Variants in GALNTL6 observed in about 807,000 individuals in gnomAD.
The protein encoded by GALNTL6 is polypeptide N-acetylgalactosaminyltransferase like 6.
GALNTL6 carries 46 observed loss-of-function variants against 73.7 expected under a neutral mutation model. That is an observed-to-expected ratio of 0.62 (90% CI 0.49 to 0.80). GALNTL6 has a LOEUF of 0.80. Ranked by LOEUF, GALNTL6 falls within the 30% of genes least tolerant of loss-of-function variation. The pLI is 0.00. For synonymous variants in GALNTL6, 259 were observed against 263.7 expected (o/e 0.98, Z 0.17); for missense variants, 604 against 755.0 (o/e 0.80, Z 2.34).
intron 10 of GALNTL6, among the ~76,000 whole-genome samples, chr4:172,997,657 A>T (rs1436147109): frequency 6.6e-6 from 1 of 152,148 alleles, no homozygotes; most frequent in African/African-American, 2.4e-5. Flanking sequence ...GGCAGGGGGA[A>T]GGGTGAAGAG....
chr4:172,176,902 A>G (rs1735020225), intron 2 of GALNTL6, among the ~76,000 whole-genome samples: 2 of 152,098 alleles, frequency 1.3e-5, no homozygotes. Context: ...CAGCTTATTA[A>G]TTATATATTT....
chr4:172,057,723 A>G (rs1370806162), intron 2 of GALNTL6, among the ~76,000 whole-genome samples: 9 of 59,956 alleles, frequency 1.5e-4, no homozygotes, highest in African/African-American at 5.5e-4. Context: ...AAAAAAAAAA[A>G]AAAAATATAT....
chr4:172,764,089 G>T (rs1439949025), intron 5 of GALNTL6, among the ~76,000 whole-genome samples: 1 of 151,872 alleles, frequency 6.6e-6, no homozygotes, highest in Non-Finnish European at 1.5e-5. Context: ...CTCCCAAGTA[G>T]CTGGGATTAC....
intron 5 of GALNTL6, among the ~76,000 whole-genome samples, chr4:172,350,965 G>C (rs1459577516): frequency 6.6e-6 from 1 of 152,064 alleles, no homozygotes; most frequent in Non-Finnish European, 1.5e-5. Flanking sequence ...GAGTGTCTCT[G>C]TTTATCAAAA....
At chr4:171,847,014 ATC>A (rs1560811382) in intron 2 of GALNTL6, among the ~76,000 whole-genome samples, 3 of 149,972 alleles carry the variant, frequency 2.0e-5, no homozygotes, top group Non-Finnish European at 3.0e-5. Flanking sequence ...AGATATCTAT[ATC>A]TCTCTCTTTC....
At chr4:172,409,628 A>G (rs1465099931) in intron 5 of GALNTL6, among the ~76,000 whole-genome samples, 1 of 152,040 alleles carries the variant, frequency 6.6e-6, no homozygotes, top group Non-Finnish European at 1.5e-5. Context: ...CATTTCAATG[A>G]GGAAAGGTTA....
intron 5 of GALNTL6, among the ~76,000 whole-genome samples, chr4:172,550,528 A>C (rs1397322783): frequency 6.6e-6 from 1 of 152,210 alleles, no homozygotes; most frequent in Non-Finnish European, 1.5e-5. Context: ...CATTGATGTG[A>C]AGGATCACTT....
At chr4:172,449,982 G>C (rs1732152904) in intron 5 of GALNTL6, among the ~76,000 whole-genome samples, 1 of 152,114 alleles carries the variant, frequency 6.6e-6, no homozygotes, top group East Asian at 1.9e-4. Flanking sequence ...ACTTTGGGAG[G>C]CCGAGGGGTT....
chr4:172,375,099 A>T (rs1303206579), intron 5 of GALNTL6, among the ~76,000 whole-genome samples: 2 of 152,116 alleles, frequency 1.3e-5, no homozygotes, highest in Admixed American at 6.5e-5. Flanking sequence ...GAGGATTATC[A>T]TTAATAGGAA....
At chr4:172,451,000 G>A (rs1361275007) in intron 5 of GALNTL6, among the ~76,000 whole-genome samples, 2 of 152,126 alleles carry the variant, frequency 1.3e-5, no homozygotes, top group Non-Finnish European at 2.9e-5. Context: ...TGCTCTGGAT[G>A]TCAGGGAATC....
chr4:172,989,047 C>T (rs1435966276), intron 10 of GALNTL6, among the ~76,000 whole-genome samples: 2 of 152,232 alleles, frequency 1.3e-5, no homozygotes, highest in African/African-American at 4.8e-5. Flanking sequence ...CAAACTGGAG[C>T]ACTGCCTGGT....
At chr4:173,016,999 T>C (rs1022562838) in intron 11 of GALNTL6, among the ~76,000 whole-genome samples, 2 of 152,184 alleles carry the variant, frequency 1.3e-5, no homozygotes, top group Non-Finnish European at 2.9e-5. Flanking sequence ...CTGATGGCTT[T>C]ATAAGGGGCT....
intron 2 of GALNTL6, among the ~76,000 whole-genome samples, chr4:172,191,555 T>A (rs1477799897): frequency 6.6e-6 from 1 of 152,244 alleles, no homozygotes; most frequent in African/African-American, 2.4e-5. Flanking sequence ...CCACCTGAAA[T>A]CTACACTTTG....
chr4:171,814,778 G>A, intron 2 of GALNTL6, 60 bp downstream of exon 2: 1 of 1,567,026 alleles, frequency 6.4e-7, no homozygotes, highest in South Asian at 1.1e-5. Context: ...CCTCGCGCGG[G>A]GACTCGAGAA....
At chr4:172,228,081 ACTTT>A (rs781304143) in intron 2 of GALNTL6, among the ~76,000 whole-genome samples, 6 of 152,168 alleles carry the variant, frequency 3.9e-5, no homozygotes, top group Non-Finnish European at 7.4e-5. Flanking sequence ...ATTCTTTAAT[ACTTT>A]CTTTGTATAG....
intron 5 of GALNTL6, among the ~76,000 whole-genome samples, chr4:172,621,987 C>A (rs1257488674): frequency 6.6e-6 from 1 of 152,088 alleles, no homozygotes; most frequent in Non-Finnish European, 1.5e-5. Flanking sequence ...GGGTCCCACT[C>A]CTCCATATGC....
intron 2 of GALNTL6, among the ~76,000 whole-genome samples, chr4:172,209,836 C>A (rs1468178986): frequency 6.6e-6 from 1 of 152,012 alleles, no homozygotes; most frequent in Non-Finnish European, 1.5e-5. Flanking sequence ...CCCAGCCAAG[C>A]TGGCAAAAAG....
chr4:172,496,819 G>C (rs1425012094), intron 5 of GALNTL6, among the ~76,000 whole-genome samples: 2 of 152,208 alleles, frequency 1.3e-5, no homozygotes, highest in African/African-American at 2.4e-5. Flanking sequence ...GCCACTGCTA[G>C]TGCTAAGATT....
At chr4:172,784,663 G>C (rs7685421) in intron 5 of GALNTL6, among the ~76,000 whole-genome samples, 68,506 of 151,950 alleles carry the variant, frequency 0.45, 17,699 homozygotes, top group East Asian at 0.72. Flanking sequence ...CTTATAATTA[G>C]AAAAATTTCC....
Sources: gnomAD v4.1 joint callset for allele counts (sites outside exome capture counted in the v4.1 genomes callset) on GRCh38, gnomAD v4.1.1 for gene constraint, MANE v1.5 for transcripts, NCBI Gene and HGNC (gene_info 2026-07-23, HGNC 2026-07-21) for gene names.